PRMT8: variants seen among roughly 807,000 people sequenced by gnomAD.
PRMT8 encodes protein arginine methyltransferase 8.
Under a neutral mutation model 47.1 loss-of-function variants are expected in PRMT8, and 7 were observed. That is an observed-to-expected ratio of 0.15 (90% confidence interval 0.08 to 0.28). The LOEUF (loss-of-function observed/expected upper bound fraction) is 0.28, where lower values mean the gene tolerates loss of function less well. Among genes scored for constraint, PRMT8 ranks in the 10% least tolerant of loss-of-function variants. The pLI, the probability that PRMT8 is intolerant of heterozygous loss-of-function variation, is 1.00. For missense variants in PRMT8, 237 were observed against 505.4 expected, an observed-to-expected ratio of 0.47 and a Z score of 5.09; for synonymous variants, 188 against 186.5, an observed-to-expected ratio of 1.01 and a Z score of -0.07.
At chr12:3,537,050 G>A (rs1482750020) in intron 1 of PRMT8, among the ~76,000 whole-genome samples, 3 of 152,152 alleles carry the variant, frequency 2.0e-5, no homozygotes, top group Admixed American at 1.3e-4. Context: ...CTGGGTTAAC[G>A]GATTTGTGCT....
At position 3,557,940 on chromosome 12, in the gene PRMT8, C is replaced by T. The variant is rs1004181709; in HGVS notation, c.481+4226C>T. Among the ~76,000 whole-genome samples the T allele has an allele frequency of 6.6e-6, 1 of 152,102 alleles. No homozygotes were observed. The highest frequency in any genetic ancestry group is 2.4e-5 in the African/African-American group (1 of 41,414). ...CATTCCCCTCCCTCTGCACAGGTTT[C>T]ACCTGTGCCGTAATTCCTGACCTCT... On this transcript the variant is annotated intron_variant, in intron 4 of 9. Transcript: ENST00000382622. The surrounding 1 kb of genome is among the most constrained non-coding windows in gnomAD (Gnocchi z 4.7).
chr12:3,382,516 T>TG (rs1864102133), intron 1 of PRMT8, among the ~76,000 whole-genome samples: 1 of 152,250 alleles, frequency 6.6e-6, no homozygotes, highest in African/African-American at 2.4e-5. Flanking sequence ...ATTTGCCATC[T>TG]GTACGTCCTC....
At position 3,592,370 on chromosome 12, in the gene PRMT8, T is replaced by G. The variant is rs1433781217; in HGVS notation, c.1101+18T>G. 9 of 1,598,316 alleles carry G rather than the reference T, an allele frequency of 5.6e-6. No homozygotes were observed. Among genetic ancestry groups the G allele is most frequent in the Non-Finnish European group, 3.4e-6 (4 of 1,173,694 alleles). The stretch of plus-strand genomic sequence containing the variant: ...AAAATGTGGTAAGTGCCGAGGGACA[T>G]AAGGACATAAGGGAGAAGGGCCCCA... On this transcript the variant is annotated intron_variant, in intron 9 of 9. Transcript: ENST00000382622.
At chr12:3,435,766 G>A (rs950610896) in intron 1 of PRMT8, among the ~76,000 whole-genome samples, 29 of 151,604 alleles carry the variant, frequency 1.9e-4, no homozygotes, top group Non-Finnish European at 7.4e-5. Flanking sequence ...ATGACCCACC[G>A]GCCTCGGCCT....
chr12:3,566,149 C>G lies in PRMT8; in HGVS notation c.482-2557C>G, dbSNP rs1440168366. Among the ~76,000 whole-genome samples, 1 of 152,154 alleles carries G rather than the reference C, an allele frequency of 6.6e-6. No homozygotes were observed. Among genetic ancestry groups the G allele is most frequent in the Non-Finnish European group, 1.5e-5 (1 of 68,028 alleles). On this transcript the variant is annotated intron_variant, in intron 4 of 9. Coordinates refer to ENST00000382622, the MANE Select transcript of PRMT8 (RefSeq NM_019854.5). This position sits in a 1 kb window ranked among gnomAD's most constrained non-coding sequence, Gnocchi z 4.7. ...TTTAAGTTTACAAAACTAAGGCAAG[C>G]CAGGCTTTGCATGCAAATGATTAGG...
chr12:3,591,367 G>A (rs949011428), intron 8 of PRMT8, among the ~76,000 whole-genome samples: 1 of 149,910 alleles, frequency 6.7e-6, no homozygotes, highest in African/African-American at 2.5e-5. Flanking sequence ...AAGGTGCTAG[G>A]TTTAGTTCCC....
At position 3,436,734 on chromosome 12, in the gene PRMT8, T is replaced by C. The variant is rs918709581; in HGVS notation, c.48+55292T>C. Among the ~76,000 whole-genome samples, 8 of 152,216 alleles carry C rather than the reference T, an allele frequency of 5.3e-5. No individual in the cohort carries two copies. Among genetic ancestry groups the C allele is most frequent in the African/African-American group, 1.9e-4 (8 of 41,460 alleles). ...TCGGTTAAACATCAAGGTGAAGTTA[T>C]TTCCAGCGGATCGATTGCAGCATCT... On this transcript the variant is annotated intron_variant, in intron 1 of 9. Coordinates refer to the PRMT8 transcript ENST00000452611. The surrounding 1 kb of genome is among the most constrained non-coding windows in gnomAD (Gnocchi z 4.2).
At chr12:3,491,781 G>A (rs1865406743) in intron 1 of PRMT8, 81 bp downstream of exon 1, 1 of 1,528,874 alleles carries the variant, frequency 6.5e-7, no homozygotes, top group East Asian at 2.4e-5. Flanking sequence ...GCTCAGCGCC[G>A]AGTGCCAAAC....
In PRMT8 at chr12:3,537,183, G is replaced by A. The variant is rs373847585; in HGVS notation, c.76-3423G>A. The stretch of plus-strand genomic sequence containing the variant: ...CAACTCTTACATATGCAGAGCTGTG[G>A]TTGTTTTGGTGGGAGAAGAGCTTAT... On this transcript the variant is annotated intron_variant, in intron 1 of 9. Coordinates refer to ENST00000382622, the MANE Select transcript of PRMT8 (RefSeq NM_019854.5). Among the ~76,000 whole-genome samples the A allele has an allele frequency of 4.6e-5, 7 of 152,334 alleles. No homozygotes were observed. The South Asian group carries it at 1.5e-3, about 32-fold the overall frequency.
intron 1 of PRMT8, among the ~76,000 whole-genome samples, chr12:3,525,356 G>A (rs1865937391): frequency 6.6e-6 from 1 of 152,166 alleles, no homozygotes; most frequent in Admixed American, 6.5e-5. Context: ...GAGGGGGCTG[G>A]GAAAGTTGCA....
At chr12:3,581,556 G>T (rs1403785936) in intron 7 of PRMT8, among the ~76,000 whole-genome samples, 2 of 152,208 alleles carry the variant, frequency 1.3e-5, no homozygotes, top group Non-Finnish European at 2.9e-5. Context: ...AGCTTAAGAA[G>T]ATGGGCTTTA....
intron 6 of PRMT8, among the ~76,000 whole-genome samples, chr12:3,571,695 C>T (rs989608795): frequency 3.3e-5 from 5 of 152,028 alleles, no homozygotes; most frequent in African/African-American, 1.2e-4. Context: ...ATACCCCAAC[C>T]TCCTCCCCAC....
intron 2 of PRMT8, 31 bp downstream of exon 2, chr12:3,540,822 G>C: frequency 1.2e-6 from 2 of 1,600,152 alleles, no homozygotes; most frequent in Non-Finnish European, 1.7e-6. Context: ...GGCTAATGGG[G>C]CGAGGCTGAC....
chr12:3,541,524 A>G (rs1325195356), intron 2 of PRMT8, among the ~76,000 whole-genome samples: 1 of 152,250 alleles, frequency 6.6e-6, no homozygotes, highest in Non-Finnish European at 1.5e-5. Flanking sequence ...TAAGCACATT[A>G]TACGTATCAT....
chr12:3,428,492 C>T (rs1225384651), intron 1 of PRMT8, among the ~76,000 whole-genome samples: 1 of 152,142 alleles, frequency 6.6e-6, no homozygotes, highest in African/African-American at 2.4e-5. Flanking sequence ...AGGAAGGCTA[C>T]AGGTTGTCAA....
intron 2 of PRMT8, among the ~76,000 whole-genome samples, chr12:3,542,470 C>T (rs147256285): frequency 1.2e-4 from 18 of 152,328 alleles, no homozygotes; most frequent in Middle Eastern, 3.4e-3. Flanking sequence ...AGAGACTCTG[C>T]GAAGGCCCCT....
chr12:3,421,185 C>T (rs573882999), intron 1 of PRMT8, among the ~76,000 whole-genome samples: 8 of 152,320 alleles, frequency 5.3e-5, no homozygotes, highest in African/African-American at 1.9e-4. Context: ...TCCCATAGAT[C>T]GTTAGCATCG....
chr12:3,419,848 G>A (rs1241926025), intron 1 of PRMT8, among the ~76,000 whole-genome samples: 1 of 151,690 alleles, frequency 6.6e-6, no homozygotes, highest in African/African-American at 2.4e-5. Flanking sequence ...GCCTCACACA[G>A]CACCCCAGCC....
intron 1 of PRMT8, among the ~76,000 whole-genome samples, chr12:3,483,556 G>C (rs964406667): frequency 2.6e-5 from 4 of 152,138 alleles, no homozygotes; most frequent in Admixed American, 1.3e-4. Flanking sequence ...TTTCTCCATA[G>C]GTGAATAAGC....
Sources: gnomAD v4.1 joint callset for allele counts (sites outside exome capture counted in the v4.1 genomes callset) on GRCh38, gnomAD v4.1.1 for gene constraint, Gnocchi (gnomAD v3.1) non-coding constraint, MANE v1.5 for transcripts, NCBI Gene and HGNC (gene_info 2026-07-23, HGNC 2026-07-21) for gene names.